Variants in FAM151B observed in about 807,000 individuals in gnomAD.
FAM151B encodes the protein family with sequence similarity 151 member B, also known as protein FAM151B.
A neutral mutation model predicts 31.2 loss-of-function variants in FAM151B; 24 were observed. The observed-to-expected ratio is 0.77, with a 90% CI of 0.56 to 1.08. The LOEUF is 1.08. Among genes scored for constraint, FAM151B ranks in the 50% least tolerant of loss-of-function variants. The pLI is 0.00. For synonymous variants in FAM151B, 105 were observed against 111.4 expected, an observed-to-expected ratio of 0.94 and a Z score of 0.36; for missense variants, 293 against 328.6, an observed-to-expected ratio of 0.89 and a Z score of 0.84.
At position 80,519,861 on chromosome 5, in the gene FAM151B, G is replaced by A. The variant is rs781397668; in HGVS notation, c.486G>A (p.Thr162=). The A allele has an allele frequency of 1.5e-5, 25 of 1,613,954 alleles. No homozygotes were observed. Among genetic ancestry groups the A allele is most frequent in the African/African-American group, 8.0e-5 (6 of 74,916 alleles). The change falls in exon 4 of 6, where the codon ACG becomes ACA. Residue 162 remains threonine, a synonymous_variant. Coordinates refer to ENST00000282226, the MANE Select transcript of FAM151B (RefSeq NM_205548.3). Reference sequence around the variant, plus strand: ...TGATATCCTTCTTTCCAGACGTGACGTTTTCCCTGGGTTGGACAACAGGAT... The same window carrying A: ...TGATATCCTTCTTTCCAGACGTGACATTTTCCCTGGGTTGGACAACAGGAT... ...DTVISFFPDV[T]FSLGWTTGWH... is the part of the protein sequence containing the mutation.
At chr5:80,531,572 G>A (rs1745246271) in intron 5 of FAM151B, among the ~76,000 whole-genome samples, 1 of 152,124 alleles carries the variant, frequency 6.6e-6, no homozygotes, top group African/African-American at 2.4e-5. Flanking sequence ...CAAAAAGTGG[G>A]CGAAGGATAT....
intron 1 of FAM151B, among the ~76,000 whole-genome samples, chr5:80,493,278 G>A (rs902723400): frequency 1.3e-4 from 20 of 152,166 alleles, no homozygotes; most frequent in Non-Finnish European, 2.5e-4. Flanking sequence ...TCTTATGCCT[G>A]GCTTTACTTT....
At chr5:80,538,271 G>C (rs1457380819) in intron 5 of FAM151B, among the ~76,000 whole-genome samples, 1 of 151,896 alleles carries the variant, frequency 6.6e-6, no homozygotes, top group Non-Finnish European at 1.5e-5. Flanking sequence ...GTTTCACCAT[G>C]TTGGCCAGGA....
At chr5:80,526,841 A>G (rs1744995359) in intron 5 of FAM151B, among the ~76,000 whole-genome samples, 1 of 152,078 alleles carries the variant, frequency 6.6e-6, no homozygotes, top group African/African-American at 2.4e-5. Flanking sequence ...TGCCACACCA[A>G]AAGATGAGGG....
chr5:80,508,681 A>C (rs974267027), intron 2 of FAM151B, among the ~76,000 whole-genome samples: 2 of 152,162 alleles, frequency 1.3e-5, no homozygotes, highest in Admixed American at 1.3e-4. Context: ...CCAAGTAGTT[A>C]TATCTCCCTT....
intron 1 of FAM151B, among the ~76,000 whole-genome samples, chr5:80,493,106 A>G (rs1210472838): frequency 6.6e-6 from 1 of 152,236 alleles, no homozygotes; most frequent in African/African-American, 2.4e-5. Context: ...ACTCCATGGA[A>G]CACACAAATT....
intron 5 of FAM151B, among the ~76,000 whole-genome samples, chr5:80,538,446 T>TCTC (rs1745658538): frequency 1.0e-4 from 5 of 48,502 alleles, no homozygotes; most frequent in African/African-American, 3.8e-4. Flanking sequence ...CTTTCTTTCT[T>TCTC]TCTCTTTCTT....
chr5:80,539,465 C>T (rs1165715674), intron 5 of FAM151B, among the ~76,000 whole-genome samples: 2 of 151,548 alleles, frequency 1.3e-5, no homozygotes. Context: ...TGTTTTTTTA[C>T]TTTTTGTTTT....
chr5:80,521,677 A>T (rs1471324509), intron 4 of FAM151B, among the ~76,000 whole-genome samples: 1 of 152,268 alleles, frequency 6.6e-6, no homozygotes, highest in Non-Finnish European at 1.5e-5. Context: ...CTAAAAGAAG[A>T]GCCTTAAAAT....
At chr5:80,501,547 A>G (rs528299175) in intron 1 of FAM151B, 27 of 461,234 alleles carry the variant, frequency 5.9e-5, no homozygotes, top group African/African-American at 3.2e-4. Context: ...ATTGTACTGT[A>G]TATAAGGGAT....
intron 1 of FAM151B, among the ~76,000 whole-genome samples, chr5:80,490,454 A>G (rs1415054708): frequency 6.6e-6 from 1 of 152,266 alleles, no homozygotes. Flanking sequence ...TTTAAAGAGT[A>G]TAATTCAGTG....
At chr5:80,511,584 C>T (rs1287355717) in intron 2 of FAM151B, among the ~76,000 whole-genome samples, 8 of 151,314 alleles carry the variant, frequency 5.3e-5, no homozygotes, top group Admixed American at 5.3e-4. Flanking sequence ...TCGTTTTTGC[C>T]CACTATTTTA....
intron 5 of FAM151B, among the ~76,000 whole-genome samples, chr5:80,539,572 A>G (rs1580465844): frequency 6.6e-6 from 1 of 151,974 alleles, no homozygotes; most frequent in African/African-American, 2.4e-5. Flanking sequence ...GCTCACTGCA[A>G]CCTCCACCTC....
chr5:80,495,835 A>G (rs1286515093), intron 1 of FAM151B, among the ~76,000 whole-genome samples: 1 of 5,524 alleles, frequency 1.8e-4, no homozygotes, highest in African/African-American at 2.9e-4. Flanking sequence ...CGTCTCAAAA[A>G]AAAAAAAAAA....
At chr5:80,517,799 C>T (rs928566140) in intron 3 of FAM151B, among the ~76,000 whole-genome samples, 29 of 152,156 alleles carry the variant, frequency 1.9e-4, no homozygotes, top group African/African-American at 6.3e-4. Flanking sequence ...TGGCCAGGTG[C>T]GGTGGCTCAT....
At chr5:80,511,057 C>T (rs148157027) in intron 2 of FAM151B, 3 of 151,998 alleles carry the variant, frequency 2.0e-5, no homozygotes, top group Non-Finnish European at 4.4e-5. Context: ...CACAGAAGAT[C>T]GGAAAGTTTA....
chr5:80,517,537 G>A (rs34564407), intron 3 of FAM151B, among the ~76,000 whole-genome samples: 18,862 of 150,500 alleles, frequency 0.13, 1,431 homozygotes, highest in Middle Eastern at 0.24. Flanking sequence ...GTTCTTTAGT[G>A]AGGTTTTAAA....
chr5:80,519,586 T>C (rs1046606588), intron 3 of FAM151B, 107 bp from the exon 4 acceptor site: 2 of 884,390 alleles, frequency 2.3e-6, no homozygotes, highest in East Asian at 2.6e-5. Context: ...CCAGACATTA[T>C]TGTATTTTGA....
At chr5:80,491,003 T>TC (rs1743313091) in intron 1 of FAM151B, among the ~76,000 whole-genome samples, 1 of 152,184 alleles carries the variant, frequency 6.6e-6, no homozygotes, top group African/African-American at 2.4e-5. Flanking sequence ...TAGCAAACTT[T>TC]CTTTTTTAAT....
Sources: gnomAD v4.1 joint callset for allele counts (sites outside exome capture counted in the v4.1 genomes callset) on GRCh38, gnomAD v4.1.1 for gene constraint, MANE v1.5 for transcripts, NCBI Gene and HGNC (gene_info 2026-07-23, HGNC 2026-07-21) for gene names.